Variants in DLG2 observed in about 807,000 individuals in gnomAD.
The protein encoded by DLG2 is disks large homolog 2.
A neutral mutation model predicts 132.5 loss-of-function variants in DLG2; 45 were observed. The observed-to-expected ratio is 0.34, with a 90% CI of 0.27 to 0.44. DLG2 has a LOEUF of 0.44. DLG2 is among the 20% of genes least tolerant of loss of function. The pLI, the probability that DLG2 is intolerant of heterozygous loss-of-function variation, is 1.00. For synonymous variants in DLG2, 424 were observed against 419.6 expected (o/e 1.01, Z -0.13); for missense variants, 1,045 against 1,196.9 (o/e 0.87, Z 1.87).
At chr11:84,889,602 G>C (rs2088968822) in intron 6 of DLG2, among the ~76,000 whole-genome samples, 1 of 152,116 alleles carries the variant, frequency 6.6e-6, no homozygotes, top group Non-Finnish European at 1.5e-5. Flanking sequence ...TAATTTCTTT[G>C]ATTATAGCTA....
At chr11:83,672,834 G>A (rs911326193) in intron 18 of DLG2, among the ~76,000 whole-genome samples, 9 of 152,098 alleles carry the variant, frequency 5.9e-5, no homozygotes, top group South Asian at 2.1e-4. Flanking sequence ...AGGCCGAGGC[G>A]GGTGAATCAC....
intron 7 of DLG2, among the ~76,000 whole-genome samples, chr11:84,380,676 G>GA (rs994228856): frequency 2.0e-5 from 3 of 151,378 alleles, no homozygotes; most frequent in African/African-American, 7.3e-5. Context: ...ATGTTAGGGG[G>GA]AAAAAAATAA....
At chr11:84,747,030 C>T (rs1043444339) in intron 6 of DLG2, among the ~76,000 whole-genome samples, 2 of 152,134 alleles carry the variant, frequency 1.3e-5, no homozygotes, top group East Asian at 3.9e-4. Context: ...CAGAACCAAA[C>T]ACTGGCAAGG....
intron 7 of DLG2, among the ~76,000 whole-genome samples, chr11:84,329,120 A>G (rs2098447016): frequency 6.6e-6 from 1 of 152,192 alleles, no homozygotes; most frequent in South Asian, 2.1e-4. Flanking sequence ...ATATAATTAC[A>G]TGTGGGCACA....
chr11:83,483,430 TCTCTTCTTTTAAAAAAACTTTCACCCCA>T, intron 22 of DLG2: 1 of 593,030 alleles, frequency 1.7e-6, no homozygotes, highest in Non-Finnish European at 2.9e-6. Context: ...GATCCCATTC[TCTCTTCTTTTAAAAAAACTTTCACCCCA>T]AACTCCTTGA....
At chr11:84,777,163 G>C (rs538557996) in intron 6 of DLG2, among the ~76,000 whole-genome samples, 1 of 151,278 alleles carries the variant, frequency 6.6e-6, no homozygotes, top group African/African-American at 2.4e-5. Context: ...TTCTGTGTTT[G>C]ACTTTCTGTG....
intron 19 of DLG2, among the ~76,000 whole-genome samples, chr11:83,627,050 GTCTC>G (rs972950904): frequency 6.6e-6 from 1 of 152,092 alleles, no homozygotes; most frequent in Admixed American, 6.6e-5. Context: ...CAATTCTGTG[GTCTC>G]TCTGTCTGAC....
At chr11:83,480,347 A>G (rs1167621330) in intron 22 of DLG2, 1 of 1,532,136 alleles carries the variant, frequency 6.5e-7, no homozygotes, top group Admixed American at 2.0e-5. Context: ...AAAGAAAATA[A>G]CCGCAAACCA....
At chr11:84,950,092 G>A (rs549051849) in intron 6 of DLG2, among the ~76,000 whole-genome samples, 4 of 152,252 alleles carry the variant, frequency 2.6e-5, no homozygotes, top group South Asian at 2.1e-4. Context: ...CAACAAATAC[G>A]TCCAACTAAT....
chr11:83,994,396 A>AT (rs1420832979), intron 11 of DLG2, among the ~76,000 whole-genome samples: 2 of 152,176 alleles, frequency 1.3e-5, no homozygotes, highest in Non-Finnish European at 2.9e-5. Context: ...TTGAAAACTA[A>AT]TTTTTTATTT....
chr11:84,454,742 C>T (rs2099060865), intron 7 of DLG2, among the ~76,000 whole-genome samples: 1 of 151,424 alleles, frequency 6.6e-6, no homozygotes. Context: ...TAAAAAAGCA[C>T]ATTTTGCATG....
At chr11:84,977,713 TCTC>T (rs1175906021) in intron 6 of DLG2, among the ~76,000 whole-genome samples, 3 of 152,168 alleles carry the variant, frequency 2.0e-5, no homozygotes, top group Non-Finnish European at 4.4e-5. Flanking sequence ...GTGACCCACT[TCTC>T]CTCATTTCCT....
At chr11:84,159,830 A>C (rs928791482) in intron 9 of DLG2, among the ~76,000 whole-genome samples, 14 of 152,114 alleles carry the variant, frequency 9.2e-5, no homozygotes, top group Non-Finnish European at 1.6e-4. Flanking sequence ...GTAAGATCTG[A>C]CTGATTTTGT....
At position 83,833,699 on chromosome 11, in the gene DLG2, C is replaced by T; in HGVS notation, c.1637G>A (p.Gly546Glu). Reference sequence around the variant, plus strand: ...AATGAAGGACACAAAAATACCTTCTCCATCTTCCCCACCGACAATGTTGAA... The same window carrying T: ...AATGAAGGACACAAAAATACCTTCTTCATCTTCCCCACCGACAATGTTGAA... The part of the protein sequence containing the change: ...LGFNIVGGED[G>E]EGIFVSFILA... Residue 546 changes from glycine (G) to glutamate (E), a missense_variant, in exon 17 of 28, where the codon GGA becomes GAA. Gly to Glu is a moderately conservative substitution (Grantham distance 98). Coordinates refer to ENST00000376104, the MANE Select transcript of DLG2 (RefSeq NM_001142699.3). 6.2e-7 allele frequency: 1 copy of T among 1,614,094 alleles called. No homozygotes were observed. Among genetic ancestry groups the T allele is most frequent in the South Asian group, 1.1e-5 (1 of 91,076 alleles).
intron 3 of DLG2, among the ~76,000 whole-genome samples, chr11:85,521,786 C>T (rs1403717130): frequency 6.6e-6 from 1 of 152,108 alleles, no homozygotes; most frequent in East Asian, 1.9e-4. Context: ...AGCAAAATGA[C>T]TGATGGCATT....
At chr11:85,031,052 A>G (rs1010195225) in intron 6 of DLG2, among the ~76,000 whole-genome samples, 10 of 152,030 alleles carry the variant, frequency 6.6e-5, no homozygotes, top group Middle Eastern at 3.4e-3. Context: ...TTTTATATTG[A>G]TTTCAGAGTA....
chr11:84,650,022 C>A (rs532648199), intron 6 of DLG2, among the ~76,000 whole-genome samples: 6 of 152,272 alleles, frequency 3.9e-5, no homozygotes, highest in African/African-American at 1.4e-4. Context: ...AGAGTAAATA[C>A]AAGGTACCAA....
At chr11:85,459,874 C>G (rs138341748) in intron 3 of DLG2, among the ~76,000 whole-genome samples, 36 of 152,290 alleles carry the variant, frequency 2.4e-4, no homozygotes, top group Middle Eastern at 3.4e-3. Flanking sequence ...TAGTAAGAAA[C>G]AAGTAAGGTC....
chr11:84,746,809 A>G (rs939026787), intron 6 of DLG2, among the ~76,000 whole-genome samples: 1 of 152,092 alleles, frequency 6.6e-6, no homozygotes. Flanking sequence ...TTCCCTGCCA[A>G]TCTTTTGCCC....
Sources: allele counts gnomAD v4.1 joint callset (sites outside exome capture counted in the v4.1 genomes callset), GRCh38; gene constraint gnomAD v4.1.1; transcripts MANE v1.5; gene names NCBI Gene and HGNC (gene_info 2026-07-23, HGNC 2026-07-21).